The following NEDD9 variants were observed in gnomAD, a reference collection of about 807,000 sequenced individuals.
NEDD9 encodes enhancer of filamentation 1.
NEDD9 carries 26 observed loss-of-function variants against 76.6 expected under a neutral mutation model. The observed-to-expected ratio is 0.34, with a 90% CI of 0.25 to 0.47. The LOEUF is 0.47. Ranked by LOEUF, NEDD9 falls within the 20% of genes least tolerant of loss-of-function variation. The probability of loss-of-function intolerance (pLI) is 1.00; values close to 1 mark genes in which losing one functional copy is unlikely to be tolerated. For missense variants in NEDD9, 937 were observed against 1,058.5 expected, an observed-to-expected ratio of 0.89 and a Z score of 1.59; for synonymous variants, 392 against 414.2, an observed-to-expected ratio of 0.95 and a Z score of 0.65.
At chr6:11,348,519 C>T (rs148780511) in intron 1 of NEDD9, among the ~76,000 whole-genome samples, 1 of 152,206 alleles carries the variant, frequency 6.6e-6, no homozygotes, top group East Asian at 1.9e-4. Context: ...ACACACTACC[C>T]AACTTCAAAC....
At chr6:11,248,614 G>C (rs781442983) in intron 3 of NEDD9, among the ~76,000 whole-genome samples, 7 of 152,194 alleles carry the variant, frequency 4.6e-5, no homozygotes, top group South Asian at 2.1e-4. Flanking sequence ...GGCTGCTCAG[G>C]GTCCTGGCTT....
At chr6:11,304,772 C>T (rs917347263) in intron 3 of NEDD9, among the ~76,000 whole-genome samples, 1 of 152,154 alleles carries the variant, frequency 6.6e-6, no homozygotes, top group Non-Finnish European at 1.5e-5. Flanking sequence ...CACATGGACA[C>T]AGGGTGGGGA....
intron 1 of NEDD9, among the ~76,000 whole-genome samples, chr6:11,347,451 C>G (rs916827316): frequency 6.6e-6 from 1 of 152,154 alleles, no homozygotes; most frequent in Non-Finnish European, 1.5e-5. Flanking sequence ...ATACCAAAAC[C>G]TGGCAGAGAC....
At chr6:11,311,771 G>A (rs1271503041) in intron 2 of NEDD9, among the ~76,000 whole-genome samples, 1 of 152,182 alleles carries the variant, frequency 6.6e-6, no homozygotes, top group Non-Finnish European at 1.5e-5. Flanking sequence ...ACTTTGGGTC[G>A]GGCGCAGAAG....
chr6:11,231,340 G>A (rs964107932), intron 1 of NEDD9, among the ~76,000 whole-genome samples: 1 of 152,182 alleles, frequency 6.6e-6, no homozygotes, highest in African/African-American at 2.4e-5. Context: ...TAGACTTAAA[G>A]CTTTTGAATA....
chr6:11,344,217 T>C (rs903592572), intron 1 of NEDD9, among the ~76,000 whole-genome samples: 2 of 152,220 alleles, frequency 1.3e-5, no homozygotes, highest in African/African-American at 4.8e-5. Context: ...ATAGACATAA[T>C]ATTCTAACAT....
At chr6:11,359,019 G>A (rs1418683268) in intron 1 of NEDD9, among the ~76,000 whole-genome samples, 1 of 152,188 alleles carries the variant, frequency 6.6e-6, no homozygotes, top group East Asian at 1.9e-4. Flanking sequence ...TAGGAGACAC[G>A]TTAAGTCTGA....
At chr6:11,379,044 A>C (rs1763016165) in intron 1 of NEDD9, among the ~76,000 whole-genome samples, 1 of 152,208 alleles carries the variant, frequency 6.6e-6, no homozygotes, top group Non-Finnish European at 1.5e-5. Flanking sequence ...GAAGACCAAA[A>C]AAGCCTGTAG....
intron 2 of NEDD9, among the ~76,000 whole-genome samples, chr6:11,202,363 G>C (rs906693514): frequency 1.3e-5 from 2 of 152,166 alleles, no homozygotes; most frequent in Non-Finnish European, 2.9e-5. Context: ...AGCATTAACA[G>C]AGCTACCACA....
chr6:11,336,139 T>C (rs1222958927), intron 1 of NEDD9, among the ~76,000 whole-genome samples: 2 of 152,368 alleles, frequency 1.3e-5, no homozygotes, highest in Middle Eastern at 3.4e-3. Context: ...ACACTTCTCA[T>C]AGGCCACCTT....
rs144519848 is a variant in NEDD9 at position 11,213,904 on chromosome 6, C to T, written c.13-177G>A. 1.1e-3 allele frequency among the ~76,000 whole-genome samples: 175 copies of T among 152,344 alleles called. No homozygotes were observed. Among genetic ancestry groups the T allele is most frequent in the Middle Eastern group, 3.4e-3 (1 of 294 alleles). ...CAGACAAAAGACAGATACATATACA[C>T]TGCATCTGCCACCAGTGACATCAGA... On this transcript the variant is annotated intron_variant, in intron 1 of 6. Coordinates refer to ENST00000379446, the MANE Select transcript of NEDD9 (RefSeq NM_006403.4). The surrounding 1 kb of genome is among the most constrained non-coding windows in gnomAD (Gnocchi z 5.4).
chr6:11,264,007 C>CA (rs1760159852), intron 3 of NEDD9, among the ~76,000 whole-genome samples: 1 of 152,194 alleles, frequency 6.6e-6, no homozygotes, highest in Admixed American at 6.5e-5. Context: ...CTCTATGTCT[C>CA]AGTGTCCTCA....
chr6:11,325,531 A>G (rs1761907645), intron 2 of NEDD9, among the ~76,000 whole-genome samples: 1 of 152,236 alleles, frequency 6.6e-6, no homozygotes, highest in Non-Finnish European at 1.5e-5. Flanking sequence ...GCTTTGCACA[A>G]TATAAAGATG....
At chr6:11,297,916 T>C (rs1433219560) in intron 3 of NEDD9, among the ~76,000 whole-genome samples, 1 of 150,996 alleles carries the variant, frequency 6.6e-6, no homozygotes, top group Non-Finnish European at 1.5e-5. Flanking sequence ...CTTTTCTTTT[T>C]TTTTTTTTGG....
chr6:11,272,047 G>T (rs1301497042), intron 3 of NEDD9, among the ~76,000 whole-genome samples: 2 of 152,154 alleles, frequency 1.3e-5, no homozygotes, highest in Non-Finnish European at 2.9e-5. Flanking sequence ...CACCACAGAA[G>T]AGAGCTGTCA....
intron 2 of NEDD9, among the ~76,000 whole-genome samples, chr6:11,328,240 G>A (rs1190634209): frequency 6.6e-6 from 1 of 152,220 alleles, no homozygotes; most frequent in Non-Finnish European, 1.5e-5. Flanking sequence ...TCTGTGCCCT[G>A]TTGTGTGCTG....
At chr6:11,202,527 G>A (rs1399113380) in intron 2 of NEDD9, among the ~76,000 whole-genome samples, 1 of 152,196 alleles carries the variant, frequency 6.6e-6, no homozygotes, top group Non-Finnish European at 1.5e-5. Context: ...AGCTACAGAG[G>A]TTTGCCTGCT....
intron 1 of NEDD9, among the ~76,000 whole-genome samples, chr6:11,224,277 G>C (rs1184962744): frequency 2.0e-5 from 3 of 152,180 alleles, no homozygotes; most frequent in Non-Finnish European, 4.4e-5. Flanking sequence ...ATCGATTCCA[G>C]TGCCTCTGGG....
intron 1 of NEDD9, among the ~76,000 whole-genome samples, chr6:11,379,561 A>T (rs539983478): frequency 6.6e-6 from 1 of 152,192 alleles, no homozygotes; most frequent in Non-Finnish European, 1.5e-5. Flanking sequence ...CCTGGGTGAC[A>T]GAGTGAGACT....
Sources: gnomAD v4.1 joint callset for allele counts (sites outside exome capture counted in the v4.1 genomes callset) on GRCh38, gnomAD v4.1.1 for gene constraint, Gnocchi (gnomAD v3.1) non-coding constraint, MANE v1.5 for transcripts, NCBI Gene and HGNC (gene_info 2026-07-23, HGNC 2026-07-21) for gene names.